The following ATAD3C variants were observed in gnomAD, a reference collection of about 807,000 sequenced individuals.
ATAD3C encodes the protein ATPase family AAA domain containing 3C.
Under a neutral mutation model 46.3 loss-of-function variants are expected in ATAD3C, and 38 were observed. The ratio of observed to expected loss-of-function variants is 0.82; its 90% CI spans 0.63 to 1.08. The LOEUF is 1.08. Ranked by LOEUF, ATAD3C falls within the 50% of genes least tolerant of loss-of-function variation. The probability of loss-of-function intolerance (pLI) is 0.00; values close to 1 mark genes in which losing one functional copy is unlikely to be tolerated. For missense variants in ATAD3C, 563 were observed against 572.7 expected (o/e 0.98, Z 0.17); for synonymous variants, 220 against 236.4 (o/e 0.93, Z 0.63).
At chr1:1,457,074 T>C in intron 7 of ATAD3C, 55 bp from the exon 8 acceptor site, 3 of 1,609,592 alleles carry the variant, frequency 1.9e-6, no homozygotes, top group South Asian at 1.1e-5. Flanking sequence ...CGGACGCCGC[T>C]GTGGGCTGCT....
rs1639020407 is a variant in ATAD3C, at chr1:1,459,373, CT to C, written c.812+143del. On this transcript the variant is annotated intron_variant, in intron 9 of 11. Coordinates refer to ENST00000378785, the MANE Select transcript of ATAD3C (RefSeq NM_001039211.3). This position sits in a 1 kb window ranked among gnomAD's most constrained non-coding sequence, Gnocchi z 4.9. ...TCAACGTGCCCACCTTGGATGTCCC[CT>C]GGGAACGGCCCAGCTCAGGACAGCA... The C allele has an allele frequency of 6.6e-7, 1 of 1,517,864 alleles. No homozygotes were observed. The highest frequency in any genetic ancestry group is 2.2e-5 in the Admixed American group (1 of 45,464). The allele number at this position is 1,517,864 out of a possible 1,614,324, so 94.0% of individuals were successfully genotyped here. A position where few individuals can be genotyped will look rare whatever the true frequency, so the allele number is the denominator to read the frequency against.
intron 4 of ATAD3C, among the ~76,000 whole-genome samples, chr1:1,455,216 CAAAAAAAAA>C (rs56939451): frequency 1.2e-4 from 6 of 49,280 alleles, no homozygotes; most frequent in African/African-American, 2.8e-4. Context: ...GACTCCGTCT[CAAAAAAAAA>C]AAAAAAAAAA....
At position 1,459,210 on chromosome 1, in the gene ATAD3C, G is replaced by A. The variant is rs557580508; in HGVS notation, c.791G>A (p.Arg264His). The change falls in exon 9 of 12, where the codon CGC (arginine) becomes CAC (histidine). Residue 264 changes from arginine to histidine, a missense_variant. Arg to His is a conservative substitution (Grantham distance 29, BLOSUM62 0). Coordinates refer to ENST00000378785, the MANE Select transcript of ATAD3C (RefSeq NM_001039211.3). The surrounding 1 kb of genome is among the most constrained non-coding windows in gnomAD (Gnocchi z 4.9). ...GCCACACTGAACGCCTTCCTGTACC[G>A]CACGGGCCAGCACAGCAACAAGTGA... is the stretch of plus-strand genomic sequence containing the variant. ...LRATLNAFLY[R>H]TGQHSNKFML... 81 of 1,612,296 alleles carry A rather than the reference G, an allele frequency of 5.0e-5. No homozygotes were observed. The highest frequency in any genetic ancestry group is 6.1e-5 in the Non-Finnish European group (72 of 1,179,566).
rs777167011 is a variant in ATAD3C at position 1,454,372 on chromosome 1, G to A, written c.250G>A (p.Gly84Arg). 9 of 1,600,170 alleles carry A rather than the reference G, an allele frequency of 5.6e-6. No homozygotes were observed. The highest frequency in any genetic ancestry group is 4.5e-5 in the East Asian group (2 of 44,074). The change falls in exon 4 of 12, where the codon GGG (glycine) becomes AGG (arginine). Residue 84 changes from glycine (G) to arginine (R), a missense_variant. Transcript: ENST00000378785. ...TVAGLTLLAVGVYSAKNATAV... is the reference protein window; with the variant it reads ...TVAGLTLLAVRVYSAKNATAV... ...GGCTGGGCTGACGCTGCTGGCTGTC[G>A]GGGTCTACTCAGCCAAGAATGCGAC... is the stretch of plus-strand genomic sequence containing the variant.
chr1:1,457,007 G>A lies in ATAD3C; in HGVS notation c.690-122G>A, dbSNP rs771415177. 2.4e-4 allele frequency: 329 copies of A among 1,375,908 alleles called. 5 individuals are homozygous for A. The highest frequency in any genetic ancestry group is 3.0e-4 in the Non-Finnish European group (297 of 974,448). 85.2% of individuals were successfully genotyped at this position (1,375,908 alleles called of 1,614,324 possible). A position where few individuals can be genotyped will look rare whatever the true frequency, so the allele number is the denominator to read the frequency against. On this transcript the variant is annotated intron_variant, in intron 7 of 11. Coordinates refer to ENST00000378785, the MANE Select transcript of ATAD3C (RefSeq NM_001039211.3). ...TGTCAGGTCCAGGACTTAGGGCTCC[G>A]TGGGGCAGAGCCTGACCCCGTGGGG...
chr1:1,461,432 C>T (rs1423045634), intron 10 of ATAD3C, among the ~76,000 whole-genome samples: 1 of 152,016 alleles, frequency 6.6e-6, no homozygotes, highest in African/African-American at 2.4e-5. Context: ...AGGTGATCCG[C>T]CCGCTTCAGC....
At position 1,455,566 on chromosome 1, in the gene ATAD3C, G is replaced by A. The variant is rs547937868; in HGVS notation, c.438+47G>A. 7.4e-5 allele frequency: 120 copies of A among 1,611,006 alleles called. 4 individuals are homozygous for A. In the South Asian group the frequency reaches 1.0e-3, roughly 14 times the overall value. On this transcript the variant is annotated intron_variant, in intron 5 of 11. Transcript: ENST00000378785. ...CGGGGAGGCGCAGGGAGGGGACCCC[G>A]GAGCTGGGCTGGGCTGTGGCCCTTG... is the stretch of plus-strand genomic sequence containing the variant.
In ATAD3C at chr1:1,455,825, T is replaced by C. The variant is rs1189555777; in HGVS notation, c.473T>C (p.Ile158Thr). Reference protein sequence around the residue: ...SLEARVRDIAIMTRNIKKNRG... With the variant: ...SLEARVRDIATMTRNIKKNRG... ...GAAGCACGGGTGCGCGACATCGCCA[T>C]AATGACAAGGAACATCAAGAAGAAC... The change falls in exon 6 of 12, where the codon ATA becomes ACA. Residue 158 changes from isoleucine (I) to threonine (T), a missense_variant. Coordinates refer to ENST00000378785, the MANE Select transcript of ATAD3C (RefSeq NM_001039211.3). The C allele has an allele frequency of 1.2e-6, 2 of 1,613,474 alleles. No homozygotes were observed. Among genetic ancestry groups the C allele is most frequent in the Middle Eastern group, 1.6e-4 (1 of 6,062 alleles).
chr1:1,458,765 C>A (rs1639008986), intron 8 of ATAD3C, among the ~76,000 whole-genome samples: 1 of 151,724 alleles, frequency 6.6e-6, no homozygotes, highest in East Asian at 1.9e-4. Context: ...CTCTGTCGCC[C>A]ATGCTGGAGT....
chr1:1,458,314 G>A lies in ATAD3C; in HGVS notation c.742-847G>A, dbSNP rs946566759. ...ATTATTTTAAGACAGGGTCTCTGTCGCCCAGGCTGGAGTGCAATGGCGCGA... is the reference window on the plus strand; with the variant it reads ...ATTATTTTAAGACAGGGTCTCTGTCACCCAGGCTGGAGTGCAATGGCGCGA... On this transcript the variant is annotated intron_variant, in intron 8 of 11. Coordinates refer to ENST00000378785, the MANE Select transcript of ATAD3C (RefSeq NM_001039211.3). Among the ~76,000 whole-genome samples the A allele has an allele frequency of 3.5e-5, 5 of 143,824 alleles. No individual in the cohort carries two copies. The South Asian group carries it at 6.7e-4, about 19-fold the overall frequency. 94.4% of individuals were successfully genotyped at this position (143,824 alleles called of 152,430 possible). A position where few individuals can be genotyped will look rare whatever the true frequency, so the allele number is the denominator to read the frequency against.
At chr1:1,456,990 C>A in intron 7 of ATAD3C, 139 bp from the exon 8 acceptor site, 1 of 1,205,684 alleles carries the variant, frequency 8.3e-7, no homozygotes, top group Non-Finnish European at 1.2e-6. Flanking sequence ...TCTGTCAGGT[C>A]CAGGACTTAG....
rs1260184817 is a variant in ATAD3C, at chr1:1,450,753, C to T, written c.70C>T (p.Leu24Phe). 6 of 1,612,842 alleles carry T rather than the reference C, an allele frequency of 3.7e-6. No homozygotes were observed. The East Asian group carries it at 1.1e-4, about 30-fold the overall frequency. The change falls in exon 1 of 12, where the codon CTC (leucine) becomes TTC (phenylalanine). Residue 24 changes from leucine (L) to phenylalanine (F), a missense_variant. Transcript: ENST00000378785. ...GCTGCAGTTGGAGCAACAGTCCAAG[C>T]TCAAAGTGAGTGGGGCCGGTGTGGG... ...QTLQLEQQSK[L>F]KQLVNEDLRK...
rs528535041 is a variant in ATAD3C at position 1,465,943 on chromosome 1, T to A, written c.1090-2441T>A. On this transcript the variant is annotated intron_variant, in intron 11 of 11. Coordinates refer to ENST00000378785, the MANE Select transcript of ATAD3C (RefSeq NM_001039211.3). ...TCACCTGTGGGCTTGTGATATATGG[T>A]CTTCATTGTGTTTAGGGCGTGTCCT... Among the ~76,000 whole-genome samples, 24 of 151,930 alleles carry A rather than the reference T, an allele frequency of 1.6e-4. 1 individual carries two copies. Among genetic ancestry groups the A allele is most frequent in the Non-Finnish European group, 3.1e-4 (21 of 67,954 alleles).
Position 1,460,765 on chromosome 1 carries a change from G to A in ATAD3C, c.828G>A (p.Leu276=). The A allele has an allele frequency of 6.2e-7, 1 of 1,608,442 alleles. No homozygotes were observed. The highest frequency in any genetic ancestry group is 1.1e-5 in the South Asian group (1 of 90,130). ...GQHSNKFMLI[L]ASCHPEQFDW... is the part of the protein sequence containing the mutation. Reference sequence around the variant, plus strand: ...CGCCCCGCAGATTCATGCTGATCCTGGCCAGCTGCCACCCCGAGCAGTTCG... The same window carrying A: ...CGCCCCGCAGATTCATGCTGATCCTAGCCAGCTGCCACCCCGAGCAGTTCG... Residue 276 remains leucine (L), a synonymous_variant, in exon 10 of 12, where the codon CTG becomes CTA. Transcript: ENST00000378785.
Position 1,456,313 on chromosome 1 carries a change from A to G in ATAD3C, c.653A>G (p.His218Arg). Residue 218 changes from histidine (H) to arginine (R), a missense_variant, in exon 7 of 12, where the codon CAC (histidine) becomes CGC (arginine). His to Arg is a conservative substitution (Grantham distance 29, BLOSUM62 0). This residue lies in a region of ATAD3C where 27 missense variants were observed against 76.2 expected (regional missense o/e 0.35). Transcript: ENST00000378785. ...GGGCGGGAAGGCGTGACCGCCATGC[A>G]CAAGCTCTTTGACTGGGCCAATACC... ...PMGREGVTAM[H>R]KLFDWANTSR... 7.7e-6 allele frequency: 11 copies of G among 1,429,472 alleles called. 2 individuals carry two copies. The highest frequency in any genetic ancestry group is 9.2e-6 in the Non-Finnish European group (10 of 1,092,770). 88.5% of individuals were successfully genotyped at this position (1,429,472 alleles called of 1,614,324 possible). A position where few individuals can be genotyped will look rare whatever the true frequency, so the allele number is the denominator to read the frequency against.
chr1:1,464,237 C>T (rs142358585), intron 11 of ATAD3C, among the ~76,000 whole-genome samples: 4,087 of 150,476 alleles, frequency 0.027, 216 homozygotes, highest in African/African-American at 0.094. Flanking sequence ...GGAGTGTGGT[C>T]GACTGCTGGG....
chr1:1,467,538 G>C (rs1284508700), intron 11 of ATAD3C, among the ~76,000 whole-genome samples: 2 of 152,078 alleles, frequency 1.3e-5, no homozygotes, highest in African/African-American at 2.4e-5. Flanking sequence ...CTATCGTGGT[G>C]ACGGTGTTGT....
Position 1,455,895 on chromosome 1 carries a change from C to T in ATAD3C, c.543C>T (p.Thr181=), listed in dbSNP as rs549192663. ...TCCTGCTGTACGGGCCACCAGGCAC[C>T]GGGAAGACGCTGTTTGCCAAGGTGA... ...RHILLYGPPG[T]GKTLFAKKLA... The change falls in exon 6 of 12, where the codon ACC becomes ACT. Residue 181 remains threonine (T), a synonymous_variant. Transcript: ENST00000378785. 175 of 1,613,138 alleles carry T rather than the reference C, an allele frequency of 1.1e-4. 4 individuals are homozygous for T. In the South Asian group the frequency reaches 1.4e-3, roughly 13 times the overall value.
chr1:1,455,903 C>A lies in ATAD3C; in HGVS notation c.551C>A (p.Thr184Lys), dbSNP rs374211185. ...TACGGGCCACCAGGCACCGGGAAGA[C>A]GCTGTTTGCCAAGGTGAGAGTGCCT... is the stretch of plus-strand genomic sequence containing the variant. The part of the protein sequence containing the change: ...LLYGPPGTGK[T>K]LFAKKLALHS... Residue 184 changes from threonine to lysine, a missense_variant, in exon 6 of 12, where the codon ACG (threonine) becomes AAG (lysine). By Grantham distance (78) the Thr-to-Lys change is moderately conservative (BLOSUM62 -1). Around this residue, in one of 3 missense-constraint regions of ATAD3C, gnomAD observed 27 missense variants for 76.2 expected, o/e 0.35. Transcript: ENST00000378785. 1.2e-6 allele frequency: 2 copies of A among 1,613,118 alleles called. No individual in the cohort carries two copies. The highest frequency in any genetic ancestry group is 1.3e-5 in the African/African-American group (1 of 74,860).
Sources: allele counts gnomAD v4.1 joint callset (sites outside exome capture counted in the v4.1 genomes callset), GRCh38; gene constraint gnomAD v4.1.1; regional missense constraint gnomAD v4.1.1; non-coding constraint Gnocchi (gnomAD v3.1); transcripts MANE v1.5; gene names NCBI Gene and HGNC (gene_info 2026-07-23, HGNC 2026-07-21).